The following AMOTL2 variants were observed in gnomAD, a reference collection of about 807,000 sequenced individuals.
The protein encoded by AMOTL2 is angiomotin-like protein 2.
Under a neutral mutation model 78.4 loss-of-function variants are expected in AMOTL2, and 33 were observed. That is an observed-to-expected ratio of 0.42 (90% CI 0.32 to 0.56). The LOEUF (loss-of-function observed/expected upper bound fraction) is 0.56. Ranked by LOEUF, AMOTL2 falls within the 20% of genes least tolerant of loss-of-function variation. The probability of loss-of-function intolerance (pLI) is 0.12; values close to 1 mark genes in which losing one functional copy is unlikely to be tolerated. For missense variants in AMOTL2, 983 were observed against 1,030.1 expected (o/e 0.95, Z 0.63); for synonymous variants, 422 against 428.8 (o/e 0.98, Z 0.20).
chr3:134,371,633 G>A (rs1353826409), intron 1 of AMOTL2, 139 bp from the exon 2 acceptor site: 2 of 1,377,888 alleles, frequency 1.5e-6, no homozygotes, highest in East Asian at 2.5e-5. Context: ...GTTCACACAA[G>A]CCTGGGTTCA....
upstream of AMOTL2, chr3:134,374,778 C>T (rs2107752747): frequency 9.8e-7 from 1 of 1,017,726 alleles, no homozygotes; most frequent in South Asian, 4.0e-5. Flanking sequence ...CCAACTCTGC[C>T]CATTATCGCC....
chr3:134,372,502 T>A (rs1426188662), intron 1 of AMOTL2, among the ~76,000 whole-genome samples: 1 of 150,108 alleles, frequency 6.7e-6, no homozygotes, highest in Non-Finnish European at 1.5e-5. Flanking sequence ...GATGGCATGA[T>A]GTCTTTGATT....
intron 6 of AMOTL2, 42 bp downstream of exon 6, chr3:134,361,466 CAACA>C: frequency 1.3e-6 from 2 of 1,529,280 alleles, no homozygotes; most frequent in Non-Finnish European, 1.8e-6. Context: ...GAAGGGAAGC[CAACA>C]TCCTCAGATG....
chr3:134,371,536 G>A (rs1205736418), intron 1 of AMOTL2, 42 bp from the exon 2 acceptor site: 1 of 1,542,180 alleles, frequency 6.5e-7, no homozygotes, highest in South Asian at 1.2e-5. Flanking sequence ...AGCAATCAGT[G>A]GGAACCCATG....
At chr3:134,374,862 C>G (rs1226128486), upstream of AMOTL2, 17 of 1,228,114 alleles carry the variant, frequency 1.4e-5, no homozygotes, top group Non-Finnish European at 1.7e-5. Context: ...AAGGGCTGTA[C>G]CACGCGTGTC....
rs2017234337 is a variant in AMOTL2, at chr3:134,359,367, C to G, written c.2020G>C (p.Ala674Pro). Residue 674 changes from alanine to proline, a missense_variant, in exon 8 of 10, where the codon GCT (alanine) becomes CCT (proline). Ala to Pro is a conservative substitution (Grantham distance 27, BLOSUM62 -1). Transcript: ENST00000249883. ...CAGCCCTGGGTTCCTGCTGCCGCAGCCGCGAAAACAGATGGCACCGACTTG... is the reference window on the plus strand; with the variant it reads ...CAGCCCTGGGTTCCTGCTGCCGCAGGCGCGAAAACAGATGGCACCGACTTG... ...PAKSVPSVFA[A>P]AAAGTQGWQG... 1 of 1,614,100 alleles carries G rather than the reference C, an allele frequency of 6.2e-7. No homozygotes were observed. Among genetic ancestry groups the G allele is most frequent in the African/African-American group, 1.3e-5 (1 of 74,942 alleles).
upstream of AMOTL2, chr3:134,375,095 T>C: frequency 2.7e-6 from 4 of 1,496,560 alleles, no homozygotes; most frequent in Non-Finnish European, 3.6e-6. Context: ...GAATGCACTT[T>C]TGTTTACAAA....
rs967461515 is a variant in AMOTL2, at chr3:134,355,511, T to C, written c.*2194A>G. 3.3e-5 allele frequency among the ~76,000 whole-genome samples: 5 copies of C among 152,268 alleles called. No homozygotes were observed. The highest frequency in any genetic ancestry group is 3.4e-3 in the Middle Eastern group (1 of 294). The stretch of plus-strand genomic sequence containing the variant: ...CCTTCTGGATGGTTTCGGACAAAAC[T>C]TTATGTGCTAGGTGGGAGTGGGAAA... On this transcript the variant is annotated 3_prime_UTR_variant, in exon 10 of 10. Transcript: ENST00000249883.
At chr3:134,362,022 C>T (rs2017390001) in intron 5 of AMOTL2, among the ~76,000 whole-genome samples, 1 of 152,220 alleles carries the variant, frequency 6.6e-6, no homozygotes, top group African/African-American at 2.4e-5. Flanking sequence ...TTCCAGGACC[C>T]TTGCAGTAAC....
chr3:134,364,311 C>T (rs1353009015), intron 5 of AMOTL2, among the ~76,000 whole-genome samples: 1 of 152,004 alleles, frequency 6.6e-6, no homozygotes, highest in Non-Finnish European at 1.5e-5. Flanking sequence ...GAGCCAAGAA[C>T]AGCTCGGCGC....
chr3:134,367,003 C>G (rs1024626605), intron 3 of AMOTL2, among the ~76,000 whole-genome samples: 1 of 152,206 alleles, frequency 6.6e-6, no homozygotes, highest in Admixed American at 6.5e-5. Flanking sequence ...GCCAGCTGGG[C>G]CCCGGCTGCT....
chr3:134,367,356 G>A (rs768965986), intron 3 of AMOTL2, 141 bp downstream of exon 3: 183 of 978,620 alleles, frequency 1.9e-4, no homozygotes, highest in Non-Finnish European at 2.5e-4. Flanking sequence ...AGGAGTGAGG[G>A]AGGTGGAAGA....
In AMOTL2 at chr3:134,371,168, T is replaced by G. The variant is rs754405396; in HGVS notation, c.266A>C (p.Asn89Thr). The stretch of plus-strand genomic sequence containing the variant: ...CTGTGGGCATAGCCGGTAGAGGGTG[T>G]TCTCTGCCAGGTGGTTCTCACCGCC... ...HQGGENHLAE[N>T]TLYRLCPQPS... The change falls in exon 2 of 10, where the codon AAC (asparagine) becomes ACC (threonine). Residue 89 changes from asparagine (N) to threonine (T), a missense_variant. Coordinates refer to ENST00000249883, the MANE Select transcript of AMOTL2 (RefSeq NM_016201.4). 27 of 1,613,788 alleles carry G rather than the reference T, an allele frequency of 1.7e-5. No individual in the cohort carries two copies. The South Asian group carries it at 2.9e-4, about 17-fold the overall frequency.
At chr3:134,364,993 T>C (rs1161023079) in intron 5 of AMOTL2, among the ~76,000 whole-genome samples, 1 of 152,026 alleles carries the variant, frequency 6.6e-6, no homozygotes, top group African/African-American at 2.4e-5. Flanking sequence ...AACTGCCCAA[T>C]AGCTCCTTCA....
chr3:134,367,447 C>T (rs755142379), intron 3 of AMOTL2, 50 bp downstream of exon 3: 3 of 1,590,802 alleles, frequency 1.9e-6, no homozygotes, highest in Non-Finnish European at 2.6e-6. Flanking sequence ...CCAGGTAGCC[C>T]CTCGGGGTCT....
At chr3:134,371,707 AC>A in intron 1 of AMOTL2, 1 of 747,034 alleles carries the variant, frequency 1.3e-6, no homozygotes, top group Non-Finnish European at 2.0e-6. Flanking sequence ...CAGTTTCTCC[AC>A]CAGAAAAATG....
At chr3:134,374,786 G>T, upstream of AMOTL2, 1 of 1,018,542 alleles carries the variant, frequency 9.8e-7, no homozygotes, top group Non-Finnish European at 1.2e-6. Flanking sequence ...GCCCATTATC[G>T]CCTCCACTCC....
rs772645724 is a variant in AMOTL2, at chr3:134,370,869, G to A, written c.565C>T (p.Arg189Cys). 27 of 1,607,644 alleles carry A rather than the reference G, an allele frequency of 1.7e-5. No homozygotes were observed. Among genetic ancestry groups the A allele is most frequent in the Non-Finnish European group, 2.2e-5 (26 of 1,175,826 alleles). Residue 189 changes from arginine (R) to cysteine (C), a missense_variant, in exon 2 of 10, where the codon CGC becomes TGC. Transcript: ENST00000249883. The part of the protein sequence containing the change: ...SSSHSFPQLA[R>C]NQQGPPLRGP... The stretch of plus-strand genomic sequence containing the variant: ...CTCAGTGGGGGGCCCTGCTGGTTGC[G>A]GGCCAGCTGTGGGAAGCTGTGGGAG...
Position 134,357,832 on chromosome 3 carries a change from A to T in AMOTL2, c.2285-69T>A, listed in dbSNP as rs1576571380. On this transcript the variant is annotated intron_variant, in intron 9 of 9. Coordinates refer to ENST00000249883, the MANE Select transcript of AMOTL2 (RefSeq NM_016201.4). ...TAGATTGCTTTTAAAATCCTGGCAC[A>T]TTTGAAAGACAAAGATCGTTCTTCA... 8 of 1,494,632 alleles carry T rather than the reference A, an allele frequency of 5.4e-6. No individual in the cohort carries two copies. The African/African-American group carries it at 8.3e-5, about 15-fold the overall frequency. 92.6% of individuals were successfully genotyped at this position (1,494,632 alleles called of 1,614,324 possible).
Sources: allele counts gnomAD v4.1 joint callset (sites outside exome capture counted in the v4.1 genomes callset), GRCh38; gene constraint gnomAD v4.1.1; transcripts MANE v1.5; gene names NCBI Gene and HGNC (gene_info 2026-07-23, HGNC 2026-07-21).